The following JUP variants were observed in gnomAD, a reference collection of about 807,000 sequenced individuals.
JUP encodes the protein junction plakoglobin.
A neutral mutation model predicts 71.1 loss-of-function variants in JUP; 28 were observed. The observed-to-expected ratio is 0.39, with a 90% CI of 0.29 to 0.54. JUP has a LOEUF of 0.54. JUP is among the 20% of genes least tolerant of loss of function. The pLI is 0.62. For missense variants in JUP, 869 were observed against 1,030.1 expected (o/e 0.84, Z 2.14); for synonymous variants, 401 against 438.9 (o/e 0.91, Z 1.08).
intron 1 of JUP, among the ~76,000 whole-genome samples, chr17:41,780,910 G>T (rs2047126044): frequency 6.6e-6 from 1 of 152,092 alleles, no homozygotes; most frequent in African/African-American, 2.4e-5. Context: ...GCCGGGCACA[G>T]TGGCTCACGC....
At position 41,769,399 on chromosome 17, in the gene JUP, A is replaced by G; in HGVS notation, c.468+19T>C. 6.2e-7 allele frequency: 1 copy of G among 1,604,790 alleles called. No homozygotes were observed. Among genetic ancestry groups the G allele is most frequent in the Non-Finnish European group, 8.5e-7 (1 of 1,176,774 alleles). ...CCCCTCCCTGCCCAGCCCCCACCCT[A>G]GCAGGGACCCTCACAGACCGGGTCC... On this transcript the variant is annotated intron_variant, in intron 3 of 13. Transcript: ENST00000393931.
In JUP at chr17:41,764,754, G is replaced by A. The variant is rs1555603193; in HGVS notation, c.1117C>T (p.Leu373=). 6.2e-7 allele frequency: 1 copy of A among 1,613,446 alleles called. No individual in the cohort carries two copies. Among genetic ancestry groups the A allele is most frequent in the Admixed American group, 1.7e-5 (1 of 59,972 alleles). The part of the protein sequence containing the change: ...SNSPRLVQNC[L]WTLRNLSDVA... ...TCTGAGAGGTTGCGCAGGGTCCACAGGCAGTTCTGCACCAGGCGGGGGCTG... is the reference window on the plus strand; with the variant it reads ...TCTGAGAGGTTGCGCAGGGTCCACAAGCAGTTCTGCACCAGGCGGGGGCTG... Residue 373 remains leucine (L), a synonymous_variant, in exon 7 of 14, where the codon CTG becomes TTG. Transcript: ENST00000393931.
chr17:41,755,705 A>G lies in JUP; in HGVS notation c.*39T>C, dbSNP rs1182843901. 6 of 1,520,490 alleles carry G rather than the reference A, an allele frequency of 3.9e-6. No individual in the cohort carries two copies. The African/African-American group carries it at 6.9e-5, about 17-fold the overall frequency. 94.2% of individuals were successfully genotyped at this position (1,520,490 alleles called of 1,614,324 possible). On this transcript the variant is annotated 3_prime_UTR_variant, in exon 14 of 14. Transcript: ENST00000393931. ...CAGAAGGAGGTTCTAGAGAGGAGGAAAAGCCTGCAAAGAGGGGGCCGTACT... is the reference window on the plus strand; with the variant it reads ...CAGAAGGAGGTTCTAGAGAGGAGGAGAAGCCTGCAAAGAGGGGGCCGTACT...
chr17:41,782,967 C>G (rs1219100521), intron 1 of JUP, among the ~76,000 whole-genome samples: 2 of 151,464 alleles, frequency 1.3e-5, no homozygotes, highest in East Asian at 2.0e-4. Context: ...TGTGGTGGTG[C>G]ATGCCTGTAA....
In JUP at chr17:41,775,658, T is replaced by TG. The variant is rs530554320; in HGVS notation, c.-8-3797dup. On this transcript the variant is annotated intron_variant, in intron 1 of 13. Transcript: ENST00000393931. ...AGACAGGGCGGGTTTCTGAGTTGAATGGGGGGCCTTTGTTTAGAGCGTGCT... is the reference window on the plus strand; with the variant it reads ...AGACAGGGCGGGTTTCTGAGTTGAATGGGGGGGCCTTTGTTTAGAGCGTGCT... 1.1e-4 allele frequency among the ~76,000 whole-genome samples: 17 copies of TG among 152,216 alleles called. No individual in the cohort carries two copies. In the South Asian group the frequency reaches 2.5e-3, roughly 22 times the overall value.
At chr17:41,757,829 T>C (rs1555599069) in intron 10 of JUP, 45 bp from the exon 11 acceptor site, 2 of 1,551,162 alleles carry the variant, frequency 1.3e-6, no homozygotes, top group South Asian at 2.4e-5. Flanking sequence ...TGGAAAGGGG[T>C]GAGGCAGGCC....
At chr17:41,775,147 G>T (rs1384134129) in intron 1 of JUP, among the ~76,000 whole-genome samples, 5 of 151,276 alleles carry the variant, frequency 3.3e-5, no homozygotes, top group Non-Finnish European at 7.4e-5. Context: ...TCCCAGCTCT[G>T]CCACAAACTT....
Position 41,763,330 on chromosome 17 carries a change from C to A in JUP, c.1159-9G>T. On this transcript the variant is annotated splice_polypyrimidine_tract_variant and intron_variant, in intron 7 of 13. Transcript: ENST00000393931. ...ACACTCTCCAGGCCCTCCTGGAGGG[C>A]AAGGAAGGGACGGGGGAGTCAGGGA... The A allele has an allele frequency of 6.2e-7, 1 of 1,608,372 alleles. No individual in the cohort carries two copies. Among genetic ancestry groups the A allele is most frequent in the Non-Finnish European group, 8.5e-7 (1 of 1,174,996 alleles).
In JUP at chr17:41,769,571, C is replaced by G. The variant is rs375489362; in HGVS notation, c.315G>C (p.Gln105His). 14 of 1,607,474 alleles carry G rather than the reference C, an allele frequency of 8.7e-6. No individual in the cohort carries two copies. Among genetic ancestry groups the G allele is most frequent in the Non-Finnish European group, 1.1e-5 (13 of 1,177,744 alleles). ...GCAGGTTGGTGGCCTGCCCCTCCACCTGGGTGGCCAGCAGAAGCGAGCTGT... is the reference window on the plus strand; with the variant it reads ...GCAGGTTGGTGGCCTGCCCCTCCACGTGGGTGGCCAGCAGAAGCGAGCTGT... Reference protein sequence around the residue: ...GEDSSLLLATQVEGQATNLQR... With the variant: ...GEDSSLLLATHVEGQATNLQR... Residue 105 changes from glutamine (Q) to histidine (H), a missense_variant, in exon 3 of 14, where the codon CAG becomes CAC. By Grantham distance (24) the Gln-to-His change is conservative. Coordinates refer to ENST00000393931, the MANE Select transcript of JUP (RefSeq NM_002230.4).
At chr17:41,775,968 CCACCAGAGCTA>C in intron 1 of JUP, 1 of 985,372 alleles carries the variant, frequency 1.0e-6, no homozygotes. Flanking sequence ...AAAAATAGCC[CCACCAGAGCTA>C]CACCAGGCTC....
chr17:41,769,697 G>C lies in JUP; in HGVS notation c.209-20C>G. On this transcript the variant is annotated intron_variant, in intron 2 of 13. Coordinates refer to ENST00000393931, the MANE Select transcript of JUP (RefSeq NM_002230.4). ...GATCACCTGGGGGCCATGGGGACAG[G>C]GACTGAGTGCAGGCAGTGGGCTGGG... 6.2e-7 allele frequency: 1 copy of C among 1,605,182 alleles called. No individual in the cohort carries two copies. Among genetic ancestry groups the C allele is most frequent in the African/African-American group, 1.3e-5 (1 of 75,020 alleles).
At chr17:41,761,641 G>A (rs781795589) in intron 8 of JUP, among the ~76,000 whole-genome samples, 7 of 151,174 alleles carry the variant, frequency 4.6e-5, no homozygotes, top group African/African-American at 1.2e-4. Context: ...GAGAAATCCC[G>A]TCTCTACTAA....
At chr17:41,769,383 G>T in intron 3 of JUP, 35 bp downstream of exon 3, 1 of 1,593,566 alleles carries the variant, frequency 6.3e-7, no homozygotes, top group East Asian at 2.3e-5. Flanking sequence ...TCCCCTCCCT[G>T]CCCAGCCCCC....
chr17:41,780,671 G>T (rs1312989992), intron 1 of JUP, among the ~76,000 whole-genome samples: 1 of 151,364 alleles, frequency 6.6e-6, no homozygotes, highest in Non-Finnish European at 1.5e-5. Flanking sequence ...CTCCAGCCTG[G>T]GCGACAGAGC....
chr17:41,766,787 G>A (rs558875633), intron 5 of JUP, among the ~76,000 whole-genome samples: 79 of 151,248 alleles, frequency 5.2e-4, no homozygotes, highest in African/African-American at 1.8e-3. Context: ...CCCGGGAGGC[G>A]AAGGTTGCAG....
chr17:41,773,793 G>A (rs935076349), intron 1 of JUP, among the ~76,000 whole-genome samples: 4 of 152,192 alleles, frequency 2.6e-5, no homozygotes, highest in Non-Finnish European at 4.4e-5. Flanking sequence ...CCTGCCCCAA[G>A]GGCAAGTCCC....
At chr17:41,779,607 C>T (rs2047065136) in intron 1 of JUP, among the ~76,000 whole-genome samples, 1 of 152,082 alleles carries the variant, frequency 6.6e-6, no homozygotes, top group African/African-American at 2.4e-5. Flanking sequence ...GGATTACAGG[C>T]GTGAGCCACC....
At chr17:41,758,561 C>A in intron 9 of JUP, 43 bp from the exon 10 acceptor site, 1 of 1,596,462 alleles carries the variant, frequency 6.3e-7, no homozygotes, top group Non-Finnish European at 8.6e-7. Flanking sequence ...GTGCCTTGGA[C>A]ATGGCCACAA....
At chr17:41,783,052 G>A (rs112886926) in intron 1 of JUP, among the ~76,000 whole-genome samples, 1,848 of 150,640 alleles carry the variant, frequency 0.012, 31 homozygotes, top group African/African-American at 0.043. Context: ...AGCCGAGATC[G>A]CGCCACTGCA....
Sources: gnomAD v4.1 joint callset for allele counts (sites outside exome capture counted in the v4.1 genomes callset) on GRCh38, gnomAD v4.1.1 for gene constraint, MANE v1.5 for transcripts, NCBI Gene and HGNC (gene_info 2026-07-23, HGNC 2026-07-21) for gene names.